The following ERC1 variants were observed in gnomAD, a reference collection of about 807,000 sequenced individuals.
ERC1 encodes the protein RAB6 interacting protein 2.
ERC1 carries 56 observed loss-of-function variants against 132.0 expected under a neutral mutation model. That is an observed-to-expected ratio of 0.42 (90% confidence interval 0.34 to 0.53). ERC1 has a LOEUF of 0.53. Among genes scored for constraint, ERC1 ranks in the 20% least tolerant of loss-of-function variants. ERC1 has a pLI of 0.03. For synonymous variants in ERC1, 478 were observed against 476.1 expected, an observed-to-expected ratio of 1.00 and a Z score of -0.05; for missense variants, 1,202 against 1,349.9, an observed-to-expected ratio of 0.89 and a Z score of 1.72.
At chr12:1,298,008 C>G (rs2154343564) in intron 15 of ERC1, among the ~76,000 whole-genome samples, 1 of 152,230 alleles carries the variant, frequency 6.6e-6, no homozygotes, top group South Asian at 2.1e-4. Context: ...TGGAGGATCA[C>G]TTGAGCCCAG....
chr12:1,116,083 C>A, intron 7 of ERC1, 50 bp downstream of exon 7: 2 of 1,522,458 alleles, frequency 1.3e-6, no homozygotes, highest in South Asian at 1.2e-5. Context: ...GGCACCTTTT[C>A]ATAAGCGTTA....
intron 15 of ERC1, among the ~76,000 whole-genome samples, chr12:1,351,650 CTTG>C (rs1276885603): frequency 5.3e-5 from 8 of 151,948 alleles, no homozygotes; most frequent in African/African-American, 1.9e-4. Flanking sequence ...TTCCTTTTAT[CTTG>C]TTTTATTTTT....
intron 12 of ERC1, among the ~76,000 whole-genome samples, chr12:1,207,419 T>C (rs1420148978): frequency 6.6e-6 from 1 of 152,214 alleles, no homozygotes; most frequent in African/African-American, 2.4e-5. Flanking sequence ...ATGATCGTTA[T>C]TATTTGCATT....
intron 7 of ERC1, among the ~76,000 whole-genome samples, chr12:1,124,442 T>C (rs988432534): frequency 2.0e-5 from 3 of 151,956 alleles, no homozygotes; most frequent in Non-Finnish European, 4.4e-5. Flanking sequence ...TAAAAATGAG[T>C]GGCAGTGAAA....
intron 17 of ERC1, among the ~76,000 whole-genome samples, chr12:1,420,529 C>T (rs1050271716): frequency 6.6e-5 from 10 of 152,240 alleles, no homozygotes; most frequent in South Asian, 2.1e-4. Flanking sequence ...AATCTCGGCT[C>T]GCTACAAGCT....
Position 1,242,222 on chromosome 12 carries a change from A to G in ERC1, c.2487+5318A>G, listed in dbSNP as rs920513436. 4.6e-5 allele frequency among the ~76,000 whole-genome samples: 7 copies of G among 152,192 alleles called. No individual in the cohort carries two copies. The East Asian group carries it at 1.4e-3, about 29-fold the overall frequency. ...AACTTTATCTCAAAACTTTTTTTCT[A>G]GGTAAATTTATCAGTTTTTTCAACA... is the stretch of plus-strand genomic sequence containing the variant. On this transcript the variant is annotated intron_variant, in intron 13 of 18. Transcript: ENST00000360905.
chr12:1,200,057 C>T (rs1229955720), intron 12 of ERC1, among the ~76,000 whole-genome samples: 1 of 151,998 alleles, frequency 6.6e-6, no homozygotes, highest in African/African-American at 2.4e-5. Context: ...AAAATAGCTG[C>T]CAGGCTTCAA....
Position 1,104,786 on chromosome 12 carries a change from G to T in ERC1, c.1123G>T (p.Ala375Ser), listed in dbSNP as rs746387426. ...AAGGTTTGAGAATGCTCCTGATTCT[G>T]CCAAAACAAAAGCTCTGCAAACTGT... ...HRRFENAPDS[A>S]KTKALQTVIE... is the part of the protein sequence containing the mutation. Residue 375 changes from alanine (A) to serine (S), a missense_variant, in exon 4 of 19, where the codon GCC (alanine) becomes TCC (serine). By Grantham distance (99) the Ala-to-Ser change is moderately conservative. Coordinates refer to ENST00000360905, the MANE Select transcript of ERC1 (RefSeq NM_178040.4). 1.2e-6 allele frequency: 2 copies of T among 1,613,378 alleles called. No homozygotes were observed. The highest frequency in any genetic ancestry group is 8.5e-7 in the Non-Finnish European group (1 of 1,179,380).
At chr12:1,017,661 G>A (rs1000095492) in intron 1 of ERC1, among the ~76,000 whole-genome samples, 2 of 151,874 alleles carry the variant, frequency 1.3e-5, no homozygotes, top group Admixed American at 1.3e-4. Context: ...ATCACACCCC[G>A]CTAATTTTTG....
At chr12:1,272,005 T>C (rs1229905731) in intron 14 of ERC1, among the ~76,000 whole-genome samples, 1 of 152,154 alleles carries the variant, frequency 6.6e-6, no homozygotes, top group East Asian at 1.9e-4. Flanking sequence ...GTTCAAAAGG[T>C]CGTTCCAGAA....
At chr12:1,290,510 TG>T (rs1243445590) in intron 15 of ERC1, among the ~76,000 whole-genome samples, 3 of 152,252 alleles carry the variant, frequency 2.0e-5, no homozygotes, top group Non-Finnish European at 2.9e-5. Context: ...AGCAGAGCTT[TG>T]CTATACACAT....
intron 12 of ERC1, among the ~76,000 whole-genome samples, chr12:1,201,107 G>T (rs1956874729): frequency 6.6e-6 from 1 of 152,036 alleles, no homozygotes; most frequent in African/African-American, 2.4e-5. Context: ...TAATTCAGTT[G>T]AATTACTTTT....
intron 13 of ERC1, among the ~76,000 whole-genome samples, chr12:1,241,594 GTGTT>G (rs2075794233): frequency 6.6e-6 from 1 of 152,012 alleles, no homozygotes; most frequent in Admixed American, 6.6e-5. Flanking sequence ...CTGTGTGTAT[GTGTT>G]TGTTTCTTGT....
chr12:1,083,493 A>C lies in ERC1; in HGVS notation c.999A>C (p.Thr333=), dbSNP rs562276851. ...CTACCGAGGAAGACCATGAGAGAAC[A>C]AGACGACTGGCAGAGGCAGAGATGC... is the stretch of plus-strand genomic sequence containing the variant. ...AKATEEDHER[T]RRLAEAEMHV... is the part of the protein sequence containing the mutation. Residue 333 remains threonine (T), a synonymous_variant, in exon 3 of 19, where the codon ACA becomes ACC. Transcript: ENST00000360905. 3.1e-6 allele frequency: 5 copies of C among 1,614,216 alleles called. No individual in the cohort carries two copies. The South Asian group carries it at 5.5e-5, about 18-fold the overall frequency.
intron 16 of ERC1, among the ~76,000 whole-genome samples, chr12:1,391,969 T>A (rs1296379374): frequency 6.6e-6 from 1 of 152,192 alleles, no homozygotes; most frequent in East Asian, 1.9e-4. Context: ...TTAGTGTTTG[T>A]CTGTGTGTAT....
chr12:1,148,332 T>G (rs1593715262), intron 8 of ERC1, among the ~76,000 whole-genome samples: 1 of 151,892 alleles, frequency 6.6e-6, no homozygotes, highest in African/African-American at 2.4e-5. Context: ...TGGCAGAAGG[T>G]GAAGGGGAAG....
chr12:1,401,998 T>C (rs117650430), intron 16 of ERC1, among the ~76,000 whole-genome samples: 3,763 of 152,146 alleles, frequency 0.025, 67 homozygotes, highest in South Asian at 0.083. Flanking sequence ...GATAGGAGTT[T>C]TGAGAAAGAC....
At chr12:1,108,154 G>T (rs1197523450) in intron 4 of ERC1, among the ~76,000 whole-genome samples, 1 of 152,112 alleles carries the variant, frequency 6.6e-6, no homozygotes, top group Non-Finnish European at 1.5e-5. Flanking sequence ...TCTTCTTCTG[G>T]TCAGTCAGTA....
intron 18 of ERC1, among the ~76,000 whole-genome samples, chr12:1,477,982 T>G (rs1359558898): frequency 6.6e-6 from 1 of 152,230 alleles, no homozygotes; most frequent in Non-Finnish European, 1.5e-5. Flanking sequence ...TGCCACAAAT[T>G]GTTTATCGTC....
Sources: allele counts gnomAD v4.1 joint callset (sites outside exome capture counted in the v4.1 genomes callset), GRCh38; gene constraint gnomAD v4.1.1; transcripts MANE v1.5; gene names NCBI Gene and HGNC (gene_info 2026-07-23, HGNC 2026-07-21).